The following TAFA5 variants were observed in gnomAD, a reference collection of about 807,000 sequenced individuals.
TAFA5 encodes the protein chemokine-like protein TAFA-5.
TAFA5 carries 6 observed loss-of-function variants against 15.3 expected under a neutral mutation model. The ratio of observed to expected loss-of-function variants is 0.39; its 90% CI spans 0.21 to 0.77. The LOEUF is 0.77. TAFA5 is among the 30% of genes least tolerant of loss of function. The pLI, the probability that TAFA5 is intolerant of heterozygous loss-of-function variation, is 0.41. For missense variants in TAFA5, 161 were observed against 193.1 expected (o/e 0.83, Z 0.98); for synonymous variants, 103 against 80.7 (o/e 1.28, Z -1.48).
intron 1 of TAFA5, among the ~76,000 whole-genome samples, chr22:48,639,826 C>T (rs895810692): frequency 8.5e-5 from 13 of 152,304 alleles, no homozygotes; most frequent in South Asian, 4.1e-4. Flanking sequence ...CATCACCTGC[C>T]GGGGTCCTGG....
chr22:48,750,925 G>C lies in TAFA5; in HGVS notation c.*1078G>C, dbSNP rs1325250997. The stretch of plus-strand genomic sequence containing the variant: ...CGTCCTGAGAGTCGGGCCGAGCCCC[G>C]TGTGTTTCTGAAGACTCTGGGGGTG... On this transcript the variant is annotated 3_prime_UTR_variant, in exon 4 of 4. Coordinates refer to ENST00000402357, the MANE Select transcript of TAFA5 (RefSeq NM_001082967.3). 6.6e-6 allele frequency: 1 copy of C among 152,430 alleles called. No homozygotes were observed. Among genetic ancestry groups the C allele is most frequent in the Admixed American group, 6.5e-5 (1 of 15,288 alleles). 9.4% of individuals were successfully genotyped at this position (152,430 alleles called of 1,614,324 possible).
At chr22:48,743,155 C>T (rs761694001) in intron 3 of TAFA5, among the ~76,000 whole-genome samples, 3 of 152,194 alleles carry the variant, frequency 2.0e-5, no homozygotes, top group Non-Finnish European at 4.4e-5. Context: ...ACAGTGTCTG[C>T]TGGGCCGTGC....
chr22:48,611,025 C>T (rs1056602749), intron 1 of TAFA5, among the ~76,000 whole-genome samples: 1 of 151,934 alleles, frequency 6.6e-6, no homozygotes, highest in African/African-American at 2.4e-5. Context: ...CCTCCACCTC[C>T]TGGGTTCAAG....
chr22:48,680,896 GT>G (rs1601667084), intron 2 of TAFA5, among the ~76,000 whole-genome samples: 2 of 152,340 alleles, frequency 1.3e-5, no homozygotes, highest in East Asian at 3.9e-4. Flanking sequence ...GGGCGCCCGG[GT>G]GGCAAGAACT....
rs1324790448 is a variant in TAFA5, at chr22:48,490,851, A to G, written c.112+1147A>G. Among the ~76,000 whole-genome samples, 1 of 148,078 alleles carries G rather than the reference A, an allele frequency of 6.8e-6. No homozygotes were observed. Among genetic ancestry groups the G allele is most frequent in the African/African-American group, 2.5e-5 (1 of 39,418 alleles). On this transcript the variant is annotated intron_variant, in intron 1 of 3. Transcript: ENST00000402357. This position sits in a 1 kb window ranked among gnomAD's most constrained non-coding sequence, Gnocchi z 5.8. ...ACCTCCTCCAGAGCCCCGGGCCTCC[A>G]AGCTCCCAGTCCGATCTGATCCTTC...
At chr22:48,493,244 C>A (rs188930161) in intron 1 of TAFA5, among the ~76,000 whole-genome samples, 1 of 152,192 alleles carries the variant, frequency 6.6e-6, no homozygotes, top group Non-Finnish European at 1.5e-5. Flanking sequence ...TATATTTCAG[C>A]GTACCAGGGA....
At chr22:48,495,184 C>T (rs1296428636) in intron 1 of TAFA5, among the ~76,000 whole-genome samples, 1 of 152,226 alleles carries the variant, frequency 6.6e-6, no homozygotes, top group Non-Finnish European at 1.5e-5. Context: ...CTCCTTCCAG[C>T]ACTGCTCGAA....
At chr22:48,668,851 G>T (rs1162420704) in intron 2 of TAFA5, among the ~76,000 whole-genome samples, 1 of 152,220 alleles carries the variant, frequency 6.6e-6, no homozygotes, top group Admixed American at 6.5e-5. Context: ...GGTGGAGGCT[G>T]CTGCGGGGGG....
chr22:48,496,056 A>C (rs1928312943), intron 1 of TAFA5, among the ~76,000 whole-genome samples: 1 of 152,214 alleles, frequency 6.6e-6, no homozygotes, highest in East Asian at 1.9e-4. Flanking sequence ...CCCTAAATGC[A>C]GTGGATGCAG....
rs1293177338 is a variant in TAFA5, at chr22:48,750,257, GCCT to G, written c.*416_*418del. Reference sequence around the variant, plus strand: ...CAGGGGACTGTCAGGCACAGAAGCGGCCTCCTCCCGTGCCCCAGACTGTCCGAA... The same window carrying G: ...CAGGGGACTGTCAGGCACAGAAGCGGCCTCCCGTGCCCCAGACTGTCCGAA... On this transcript the variant is annotated 3_prime_UTR_variant, in exon 4 of 4. Coordinates refer to ENST00000402357, the MANE Select transcript of TAFA5 (RefSeq NM_001082967.3). 4 of 263,454 alleles carry G rather than the reference GCCT, an allele frequency of 1.5e-5. No individual in the cohort carries two copies. Among genetic ancestry groups the G allele is most frequent in the Admixed American group, 5.1e-5 (1 of 19,656 alleles). 16.3% of individuals were successfully genotyped at this position (263,454 alleles called of 1,614,324 possible).
At chr22:48,601,709 C>A (rs1484453379) in intron 1 of TAFA5, among the ~76,000 whole-genome samples, 2 of 152,194 alleles carry the variant, frequency 1.3e-5, no homozygotes, top group East Asian at 3.8e-4. Flanking sequence ...TTCCCCAGAA[C>A]CCAGTTCTCC....
intron 2 of TAFA5, among the ~76,000 whole-genome samples, chr22:48,695,911 C>T (rs1451233704): frequency 6.6e-6 from 1 of 152,116 alleles, no homozygotes; most frequent in Non-Finnish European, 1.5e-5. Context: ...TTTCAAGCAC[C>T]ACAGGGCCAC....
intron 1 of TAFA5, among the ~76,000 whole-genome samples, chr22:48,632,330 AC>A (rs1269082492): frequency 2.0e-5 from 3 of 152,090 alleles, no homozygotes; most frequent in Non-Finnish European, 4.4e-5. Context: ...ACAGTGAGAA[AC>A]CCAGTCCAGA....
chr22:48,710,818 G>A (rs542719330), intron 3 of TAFA5, among the ~76,000 whole-genome samples: 1 of 152,336 alleles, frequency 6.6e-6, no homozygotes, highest in Non-Finnish European at 1.5e-5. Flanking sequence ...GATGGCTGCA[G>A]ACTCCCTTTC....
chr22:48,737,045 C>T (rs902751865), intron 3 of TAFA5, among the ~76,000 whole-genome samples: 1 of 152,180 alleles, frequency 6.6e-6, no homozygotes, highest in African/African-American at 2.4e-5. Flanking sequence ...ACCCGTCTCT[C>T]CCCTGGTCCC....
At chr22:48,666,090 G>A (rs1002507038) in intron 2 of TAFA5, among the ~76,000 whole-genome samples, 9 of 152,214 alleles carry the variant, frequency 5.9e-5, no homozygotes, top group African/African-American at 2.2e-4. Flanking sequence ...ACTGGCAGAA[G>A]AGGGGCCTGG....
chr22:48,600,742 G>C (rs542147125), intron 1 of TAFA5, among the ~76,000 whole-genome samples: 1 of 152,270 alleles, frequency 6.6e-6, no homozygotes, highest in South Asian at 2.1e-4. Flanking sequence ...GGGTGGTGGT[G>C]TCCCCCATGG....
At chr22:48,610,902 A>G (rs1925381721) in intron 1 of TAFA5, among the ~76,000 whole-genome samples, 2 of 150,836 alleles carry the variant, frequency 1.3e-5, no homozygotes, top group Non-Finnish European at 2.9e-5. Context: ...CTCCCACTCC[A>G]GTACATTAAT....
Position 48,598,313 on chromosome 22 carries a change from C to T in TAFA5, c.113-48284C>T, listed in dbSNP as rs1373348412. Among the ~76,000 whole-genome samples the T allele has an allele frequency of 1.3e-5, 2 of 152,182 alleles. No individual in the cohort carries two copies. Among genetic ancestry groups the T allele is most frequent in the Non-Finnish European group, 2.9e-5 (2 of 68,038 alleles). On this transcript the variant is annotated intron_variant, in intron 1 of 3. Coordinates refer to ENST00000402357, the MANE Select transcript of TAFA5 (RefSeq NM_001082967.3). The surrounding 1 kb of genome is among the most constrained non-coding windows in gnomAD (Gnocchi z 4.0). Reference sequence around the variant, plus strand: ...CAAAACACTCCTTCACAGAAAAATCCAGAATCATTTGACCAAACCTGTGGG... The same window carrying T: ...CAAAACACTCCTTCACAGAAAAATCTAGAATCATTTGACCAAACCTGTGGG...
Sources: gnomAD v4.1 joint callset for allele counts (sites outside exome capture counted in the v4.1 genomes callset) on GRCh38, gnomAD v4.1.1 for gene constraint, Gnocchi (gnomAD v3.1) non-coding constraint, MANE v1.5 for transcripts, NCBI Gene and HGNC (gene_info 2026-07-23, HGNC 2026-07-21) for gene names.